Variants in KCNT1 observed in about 807,000 individuals in gnomAD.
KCNT1 encodes the protein potassium channel subfamily T member 1.
A neutral mutation model predicts 147.8 loss-of-function variants in KCNT1; 78 were observed. That is an observed-to-expected ratio of 0.53 (90% CI 0.44 to 0.64). The LOEUF (loss-of-function observed/expected upper bound fraction) is 0.64, where lower values mean the gene tolerates loss of function less well. Among genes scored for constraint, KCNT1 ranks in the 30% least tolerant of loss-of-function variants. KCNT1 has a pLI of 0.00. For missense variants in KCNT1, 1,419 were observed against 1,750.3 expected (o/e 0.81, Z 3.38); for synonymous variants, 867 against 748.8 (o/e 1.16, Z -2.58).
Position 135,770,042 on chromosome 9 carries a change from A to G in KCNT1, c.1606A>G (p.Thr536Ala). 1 of 1,551,298 alleles carries G rather than the reference A, an allele frequency of 6.4e-7. No homozygotes were observed. The highest frequency in any genetic ancestry group is 1.4e-5 in the African/African-American group (1 of 73,198). The change falls in exon 16 of 31, where the codon ACG (threonine) becomes GCG (alanine). Residue 536 changes from threonine (T) to alanine (A), a missense_variant. This residue lies in a region of KCNT1 where 401 missense variants were observed against 610.6 expected (regional missense o/e 0.66). Transcript: ENST00000371757. ...TSTLITLLVH[T>A]SRGQEGQESP... ...CACCCTCATCACCCTGCTGGTGCAC[A>G]CGTCCCGCGGCCAGTGAGTGCCCCG...
intron 2 of KCNT1, among the ~76,000 whole-genome samples, chr9:135,726,860 C>CCTCT (rs138631905): frequency 2.2e-5 from 2 of 92,998 alleles, no homozygotes; most frequent in East Asian, 3.7e-4. Context: ...CCTCCCTCTC[C>CCTCT]CTCTCTCTTT....
In KCNT1 at chr9:135,765,719, C is replaced by G. The variant is rs1057524172; in HGVS notation, c.1296C>G (p.Leu432=). Residue 432 remains leucine (L), a synonymous_variant, in exon 13 of 31, where the codon CTC becomes CTG. Coordinates refer to ENST00000371757, the MANE Select transcript of KCNT1 (RefSeq NM_020822.3). ...TGTGGTCCCAGCGGGTCATCTACCT[C>G]CAGGGCTCTGCACTCAAAGACCAGG... The part of the protein sequence containing the change: ...IPLWSQRVIY[L]QGSALKDQDL... The G allele has an allele frequency of 6.2e-7, 1 of 1,610,100 alleles. No homozygotes were observed. Among genetic ancestry groups the G allele is most frequent in the Admixed American group, 1.7e-5 (1 of 59,890 alleles).
At chr9:135,751,069 G>C (rs775604743) in intron 4 of KCNT1, 28 bp downstream of exon 4, 2 of 1,587,540 alleles carry the variant, frequency 1.3e-6, no homozygotes, top group Non-Finnish European at 1.7e-6. Flanking sequence ...CCGGGCGCGG[G>C]GTCCCGGGTC....
chr9:135,785,662 G>C (rs1473798638), intron 28 of KCNT1: 1 of 548,558 alleles, frequency 1.8e-6, no homozygotes, highest in African/African-American at 1.9e-5. Flanking sequence ...CAGCCTCCCA[G>C]GCCTTTCTGA....
chr9:135,783,716 G>A (rs980636786), intron 24 of KCNT1, among the ~76,000 whole-genome samples: 11 of 152,314 alleles, frequency 7.2e-5, no homozygotes, highest in Middle Eastern at 3.4e-3. Flanking sequence ...GCAAGAGCAG[G>A]GCGCTTGACC....
chr9:135,778,343 A>G (rs999161990), intron 21 of KCNT1, 81 bp from the exon 22 acceptor site: 22 of 1,325,926 alleles, frequency 1.7e-5, no homozygotes, highest in Middle Eastern at 4.4e-4. Flanking sequence ...AGCTCTGTGC[A>G]TGGAGGGTAG....
intron 2 of KCNT1, among the ~76,000 whole-genome samples, chr9:135,717,021 C>T (rs868682688): frequency 7.5e-5 from 11 of 146,978 alleles, no homozygotes; most frequent in East Asian, 2.0e-4. Flanking sequence ...GTGCATAGGA[C>T]GGGAGGGGAC....
intron 20 of KCNT1, among the ~76,000 whole-genome samples, chr9:135,775,745 C>T (rs1833125172): frequency 6.6e-6 from 1 of 151,890 alleles, no homozygotes; most frequent in African/African-American, 2.4e-5. Flanking sequence ...CATCTCGTAA[C>T]TACAGCTCAT....
chr9:135,786,547 GC>G, intron 29 of KCNT1, 26 bp downstream of exon 29: 1 of 1,546,320 alleles, frequency 6.5e-7, no homozygotes, highest in Admixed American at 2.1e-5. Context: ...GCGGGTGGGG[GC>G]CGGACGGACG....
Position 135,791,421 on chromosome 9 carries a change from G to A in KCNT1, c.3503-376G>A. ...GGTGTAGATGAAGGCATGCATGCATGTGAGGTGAACAGACACGTCCCGGTG... is the reference window on the plus strand; with the variant it reads ...GGTGTAGATGAAGGCATGCATGCATATGAGGTGAACAGACACGTCCCGGTG... On this transcript the variant is annotated intron_variant, in intron 29 of 30. Coordinates refer to ENST00000371757, the MANE Select transcript of KCNT1 (RefSeq NM_020822.3). 1.6e-5 allele frequency: 4 copies of A among 255,810 alleles called. No individual in the cohort carries two copies. In the South Asian group the frequency reaches 1.6e-4, roughly 10 times the overall value. 15.8% of individuals were successfully genotyped at this position (255,810 alleles called of 1,614,324 possible).
In KCNT1 at chr9:135,771,021, A is replaced by G. The variant is rs755836695; in HGVS notation, c.1934A>G (p.Lys645Arg). ...FIFKQEEKRK[K>R]RAFSGQGLHE... is the part of the protein sequence containing the mutation. ...TTCAAGCAGGAGGAGAAGCGGAAGA[A>G]GAGGGCCTTCTCGGGGCAGGGGCTG... The change falls in exon 18 of 31, where the codon AAG becomes AGG. Residue 645 changes from lysine to arginine, a missense_variant. Physicochemically the swap from Lys to Arg is conservative, Grantham distance 26. This residue lies in a region of KCNT1 where 284 missense variants were observed against 292.8 expected (regional missense o/e 0.97). Coordinates refer to ENST00000371757, the MANE Select transcript of KCNT1 (RefSeq NM_020822.3). 4 of 1,613,718 alleles carry G rather than the reference A, an allele frequency of 2.5e-6. No individual in the cohort carries two copies. In the South Asian group the frequency reaches 4.4e-5, roughly 18 times the overall value.
chr9:135,765,599 G>C (rs774304873), intron 12 of KCNT1, 25 bp from the exon 13 acceptor site: 1 of 1,599,018 alleles, frequency 6.3e-7, no homozygotes, highest in Non-Finnish European at 8.5e-7. Flanking sequence ...GGCTCAGAGG[G>C]TCTGACCCTC....
chr9:135,702,265 C>G lies in KCNT1; in HGVS notation c.7C>G (p.Leu3Val). 2 of 1,608,252 alleles carry G rather than the reference C, an allele frequency of 1.2e-6. No homozygotes were observed. Among genetic ancestry groups the G allele is most frequent in the Non-Finnish European group, 1.7e-6 (2 of 1,177,190 alleles). Residue 3 changes from leucine (L) to valine (V), a missense_variant, in exon 1 of 31, where the codon CTC becomes GTC. By Grantham distance (32) the Leu-to-Val change is conservative (BLOSUM62 1). Transcript: ENST00000371757. MP[L>V]PDGARTPGGV... ...GTCCGAGCTGCCAGGCCGCATGCCA[C>G]TCCCTGACGGGGCGCGGACCCCGGG...
At position 135,785,201 on chromosome 9, in the gene KCNT1, G is replaced by A. The variant is rs915411683; in HGVS notation, c.3157-109G>A. ...TGTGCTGCAGTCCACACAGCAGCAG[G>A]CACCGTGCCCACCAGCCCTAAGCAT... On this transcript the variant is annotated intron_variant, in intron 27 of 30. Coordinates refer to ENST00000371757, the MANE Select transcript of KCNT1 (RefSeq NM_020822.3). 15 of 1,496,854 alleles carry A rather than the reference G, an allele frequency of 1.0e-5. No individual in the cohort carries two copies. In the Admixed American group the frequency reaches 1.1e-4, roughly 11 times the overall value. 92.7% of individuals were successfully genotyped at this position (1,496,854 alleles called of 1,614,324 possible).
At chr9:135,707,759 G>A (rs1436346907) in intron 1 of KCNT1, among the ~76,000 whole-genome samples, 1 of 152,208 alleles carries the variant, frequency 6.6e-6, no homozygotes, top group Non-Finnish European at 1.5e-5. Flanking sequence ...CCTCGCCTGG[G>A]GCCCCTGTGT....
chr9:135,703,781 G>A (rs911450255), intron 1 of KCNT1, among the ~76,000 whole-genome samples: 5 of 152,218 alleles, frequency 3.3e-5, no homozygotes, highest in Non-Finnish European at 7.3e-5. Flanking sequence ...CGAGCCGGCA[G>A]GACAGTGTCC....
chr9:135,781,823 C>T (rs912222202), intron 24 of KCNT1, among the ~76,000 whole-genome samples: 2 of 152,164 alleles, frequency 1.3e-5, no homozygotes, highest in African/African-American at 4.8e-5. Flanking sequence ...CGGCTCATGC[C>T]TGTAATCCCA....
rs1310285296 is a variant in KCNT1, at chr9:135,782,672, C to T, written c.2842-1352C>T. On this transcript the variant is annotated intron_variant, in intron 24 of 30. Coordinates refer to ENST00000371757, the MANE Select transcript of KCNT1 (RefSeq NM_020822.3). Reference sequence around the variant, plus strand: ...ACGTCCAGCTTTTTCTTTCCTTCCACGTCTCTCTCTGGCCCTGTCGTGGTT... The same window carrying T: ...ACGTCCAGCTTTTTCTTTCCTTCCATGTCTCTCTCTGGCCCTGTCGTGGTT... Among the ~76,000 whole-genome samples the T allele has an allele frequency of 2.6e-5, 4 of 152,030 alleles. 1 individual carries two copies. The highest frequency in any genetic ancestry group is 4.1e-4 in the South Asian group (2 of 4,820).
At chr9:135,788,117 A>G (rs752158991) in intron 29 of KCNT1, 1 of 1,612,066 alleles carries the variant, frequency 6.2e-7, no homozygotes. Flanking sequence ...AGCAAATTTA[A>G]CAGCCAGTGA....
Sources: allele counts gnomAD v4.1 joint callset (sites outside exome capture counted in the v4.1 genomes callset), GRCh38; gene constraint gnomAD v4.1.1; regional missense constraint gnomAD v4.1.1; transcripts MANE v1.5; gene names NCBI Gene and HGNC (gene_info 2026-07-23, HGNC 2026-07-21).